ATP2C2: variants seen among roughly 807,000 people sequenced by gnomAD.
ATP2C2 encodes ATPase secretory pathway Ca2+ transporting 2.
ATP2C2 carries 171 observed loss-of-function variants against 110.8 expected under a neutral mutation model. That is an observed-to-expected ratio of 1.54 (90% confidence interval 1.36 to 1.75). ATP2C2 has a LOEUF of 1.75. Among genes scored for constraint, ATP2C2 ranks in the 40% most tolerant of loss-of-function variants. ATP2C2 has a pLI of 0.00. For missense variants in ATP2C2, 1,963 were observed against 1,235.0 expected, an observed-to-expected ratio of 1.59 and a Z score of -8.84; for synonymous variants, 804 against 508.4, an observed-to-expected ratio of 1.58 and a Z score of -7.82.
rs948227434 is a variant in ATP2C2 at position 84,394,774 on chromosome 16, C to A, written c.100-3725C>A. Among the ~76,000 whole-genome samples the A allele has an allele frequency of 3.3e-5, 5 of 152,140 alleles. No homozygotes were observed. In the South Asian group the frequency reaches 1.0e-3, roughly 31 times the overall value. On this transcript the variant is annotated intron_variant, in intron 1 of 26. Coordinates refer to ENST00000262429, the MANE Select transcript of ATP2C2 (RefSeq NM_014861.4). Reference sequence around the variant, plus strand: ...ATCATCACAGGGTTTTCTCCTGTGTCTCCACATGGACTTCCCTGTGTGCAT... The same window carrying A: ...ATCATCACAGGGTTTTCTCCTGTGTATCCACATGGACTTCCCTGTGTGCAT...
intron 11 of ATP2C2, among the ~76,000 whole-genome samples, chr16:84,436,988 C>T (rs1268689820): frequency 6.6e-6 from 1 of 151,876 alleles, no homozygotes; most frequent in Non-Finnish European, 1.5e-5. Context: ...TGTCGAACTC[C>T]CGACCTCAGG....
intron 11 of ATP2C2, among the ~76,000 whole-genome samples, chr16:84,433,137 T>G (rs1401996398): frequency 6.6e-6 from 1 of 152,120 alleles, no homozygotes; most frequent in African/African-American, 2.4e-5. Context: ...CCTAGCACTT[T>G]GGGAGGCTGA....
At chr16:84,404,668 C>T (rs1905590863) in intron 2 of ATP2C2, 2 of 327,198 alleles carry the variant, frequency 6.1e-6, no homozygotes, top group Non-Finnish European at 1.2e-5. Context: ...GTTGTACAAA[C>T]ATCTCTTGGA....
intron 11 of ATP2C2, among the ~76,000 whole-genome samples, chr16:84,434,406 C>T (rs879071186): frequency 6.6e-6 from 1 of 151,848 alleles, no homozygotes; most frequent in Non-Finnish European, 1.5e-5. Flanking sequence ...CAGAGCAAGA[C>T]TCCATCTCAA....
chr16:84,431,304 G>T (rs8046040), intron 11 of ATP2C2, among the ~76,000 whole-genome samples: 55,375 of 151,690 alleles, frequency 0.37, 10,255 homozygotes, highest in Non-Finnish European at 0.39. Context: ...TTCAAGAACA[G>T]CCTGGCCAAT....
At chr16:84,441,052 G>A in intron 14 of ATP2C2, 94 bp downstream of exon 14, 1 of 1,107,316 alleles carries the variant, frequency 9.0e-7, no homozygotes, top group Non-Finnish European at 1.3e-6. Flanking sequence ...GAACCTACTG[G>A]TTCTTGACAA....
chr16:84,459,517 A>G, intron 23 of ATP2C2, 131 bp downstream of exon 23: 1 of 1,561,474 alleles, frequency 6.4e-7, no homozygotes. Context: ...AGTTCCCAGA[A>G]AACTGAAGTG....
At chr16:84,462,155 G>C (rs34205686) in intron 26 of ATP2C2, 26 bp downstream of exon 26, 479,665 of 1,601,888 alleles carry the variant, frequency 0.3, 76,867 homozygotes, top group Non-Finnish European at 0.33. Context: ...GGGAACGACA[G>C]GTGACCTCGA....
intron 6 of ATP2C2, among the ~76,000 whole-genome samples, chr16:84,415,016 A>G (rs189679620): frequency 1.6e-4 from 24 of 152,198 alleles, no homozygotes; most frequent in Non-Finnish European, 3.4e-4. Context: ...ACGGAAGCAT[A>G]TCCGTAGTCT....
At chr16:84,413,081 A>G (rs891071673) in intron 6 of ATP2C2, among the ~76,000 whole-genome samples, 3 of 147,266 alleles carry the variant, frequency 2.0e-5, no homozygotes, top group African/African-American at 7.5e-5. Flanking sequence ...CTGTGCGATA[A>G]GAGCGAAACT....
intron 11 of ATP2C2, among the ~76,000 whole-genome samples, chr16:84,432,970 G>A (rs1908412261): frequency 6.6e-6 from 1 of 152,228 alleles, no homozygotes; most frequent in Admixed American, 6.5e-5. Flanking sequence ...CACCCGAACA[G>A]CATTCTCAGG....
intron 11 of ATP2C2, among the ~76,000 whole-genome samples, chr16:84,434,422 A>C (rs1394439612): frequency 6.6e-6 from 1 of 151,958 alleles, no homozygotes; most frequent in African/African-American, 2.4e-5. Flanking sequence ...CTCAAAAAAC[A>C]AAAAACAAAC....
chr16:84,404,525 C>T (rs774176867), intron 2 of ATP2C2: 12 of 179,792 alleles, frequency 6.7e-5, no homozygotes, highest in Admixed American at 2.2e-4. Context: ...CACGTGTCAG[C>T]ATTTTCTTTC....
At chr16:84,375,242 A>T (rs1213089134) in intron 1 of ATP2C2, among the ~76,000 whole-genome samples, 1 of 152,256 alleles carries the variant, frequency 6.6e-6, no homozygotes, top group Non-Finnish European at 1.5e-5. Flanking sequence ...TGTTTTTAAC[A>T]TGAAAAACGT....
intron 1 of ATP2C2, among the ~76,000 whole-genome samples, chr16:84,382,985 G>A (rs192024466): frequency 6.2e-4 from 94 of 151,972 alleles, no homozygotes; most frequent in African/African-American, 2.2e-3. Flanking sequence ...GGCAAAAGCA[G>A]CCTCAGAAGA....
At chr16:84,452,118 G>A (rs1376690096) in intron 18 of ATP2C2, 27 bp downstream of exon 18, 1 of 1,612,876 alleles carries the variant, frequency 6.2e-7, no homozygotes, top group East Asian at 2.2e-5. Context: ...CGGGGGTGAG[G>A]ACGAAAGGAC....
intron 11 of ATP2C2, 80 bp from the exon 12 acceptor site, chr16:84,439,086 C>A: frequency 6.3e-7 from 1 of 1,577,488 alleles, no homozygotes; most frequent in Non-Finnish European, 8.6e-7. Flanking sequence ...CTTCACCAGC[C>A]AAAAGCATTG....
chr16:84,432,205 C>A (rs1384118845), intron 11 of ATP2C2, among the ~76,000 whole-genome samples: 3 of 152,142 alleles, frequency 2.0e-5, no homozygotes, highest in Non-Finnish European at 2.9e-5. Context: ...TTTTCATGCA[C>A]CCATCACCTG....
chr16:84,418,834 A>G (rs963561916), intron 7 of ATP2C2, among the ~76,000 whole-genome samples: 2 of 152,138 alleles, frequency 1.3e-5, no homozygotes, highest in South Asian at 4.1e-4. Context: ...CCGCTTACTT[A>G]GGGGCTTAAA....
Sources: gnomAD v4.1 joint callset for allele counts (sites outside exome capture counted in the v4.1 genomes callset) on GRCh38, gnomAD v4.1.1 for gene constraint, MANE v1.5 for transcripts, NCBI Gene and HGNC (gene_info 2026-07-23, HGNC 2026-07-21) for gene names.